The following ADAMTS14 variants were observed in gnomAD, a reference collection of about 807,000 sequenced individuals.
ADAMTS14 encodes ADAM metallopeptidase with thrombospondin type 1 motif 14, also known as A disintegrin and metalloproteinase with thrombospondin motifs 14.
ADAMTS14 carries 100 observed loss-of-function variants against 128.6 expected under a neutral mutation model. The ratio of observed to expected loss-of-function variants is 0.78; its 90% CI spans 0.66 to 0.92. The LOEUF (loss-of-function observed/expected upper bound fraction) is 0.92, where lower values mean the gene tolerates loss of function less well. Ranked by LOEUF, ADAMTS14 falls within the 40% of genes least tolerant of loss-of-function variation. The pLI, the probability that ADAMTS14 is intolerant of heterozygous loss-of-function variation, is 0.00. For missense variants in ADAMTS14, 1,562 were observed against 1,658.6 expected, an observed-to-expected ratio of 0.94 and a Z score of 1.01; for synonymous variants, 665 against 653.8, an observed-to-expected ratio of 1.02 and a Z score of -0.26.
intron 2 of ADAMTS14, among the ~76,000 whole-genome samples, chr10:70,689,195 C>G (rs1304205336): frequency 6.9e-6 from 1 of 144,258 alleles, no homozygotes; most frequent in African/African-American, 2.4e-5. Flanking sequence ...GTCCCCTAAT[C>G]CACGGCCACA....
chr10:70,717,957 T>A (rs78274851), intron 4 of ADAMTS14, among the ~76,000 whole-genome samples: 7 of 152,166 alleles, frequency 4.6e-5, no homozygotes, highest in African/African-American at 1.7e-4. Flanking sequence ...TTTCTGAGCC[T>A]GGGGCCTGCT....
chr10:70,739,133 CTTG>C (rs990335782), intron 11 of ADAMTS14, 143 bp downstream of exon 11: 5 of 1,063,514 alleles, frequency 4.7e-6, no homozygotes, highest in Non-Finnish European at 6.6e-6. Context: ...AGGACACAAA[CTTG>C]TTGGTGGAGG....
intron 4 of ADAMTS14, among the ~76,000 whole-genome samples, chr10:70,716,273 C>A (rs1173265134): frequency 1.3e-5 from 2 of 152,178 alleles, no homozygotes; most frequent in African/African-American, 4.8e-5. Context: ...AATGTGGGAA[C>A]AGAAAGGGCC....
At chr10:70,759,814 G>C (rs1368953885) in intron 21 of ADAMTS14, among the ~76,000 whole-genome samples, 2 of 152,186 alleles carry the variant, frequency 1.3e-5, no homozygotes, top group Admixed American at 1.3e-4. Context: ...ATTGGGAGGG[G>C]CTAGGGTTCC....
chr10:70,700,969 G>A (rs993430654), intron 2 of ADAMTS14, among the ~76,000 whole-genome samples: 2 of 152,176 alleles, frequency 1.3e-5, no homozygotes, highest in African/African-American at 2.4e-5. Context: ...ATGGTGACAG[G>A]GAAGCCTCAA....
Position 70,760,702 on chromosome 10 carries a change from G to A in ADAMTS14, c.3521G>A (p.Gly1174Glu), listed in dbSNP as rs1247530620. 1 of 1,614,090 alleles carries A rather than the reference G, an allele frequency of 6.2e-7. No homozygotes were observed. Among genetic ancestry groups the A allele is most frequent in the Non-Finnish European group, 8.5e-7 (1 of 1,180,008 alleles). Reference sequence around the variant, plus strand: ...TTTGCCCCTGAGACACCAATCCCTGGAGCATCCTGGAGCATCTCCCCTACC... The same window carrying A: ...TTTGCCCCTGAGACACCAATCCCTGAAGCATCCTGGAGCATCTCCCCTACC... ...HPFAPETPIP[G>E]ASWSISPTTP... The change falls in exon 22 of 22, where the codon GGA (glycine) becomes GAA (glutamate). Residue 1174 changes from glycine (G) to glutamate (E), a missense_variant. Gly to Glu is a moderately conservative substitution (Grantham distance 98, BLOSUM62 -2). Transcript: ENST00000373207.
At chr10:70,721,019 C>CTTT (rs56656736) in intron 4 of ADAMTS14, among the ~76,000 whole-genome samples, 53 of 84,324 alleles carry the variant, frequency 6.3e-4, no homozygotes, top group African/African-American at 8.8e-4. Flanking sequence ...TCTCTTTTTT[C>CTTT]TTTTTTTTTT....
At chr10:70,712,451 A>G (rs1564533056) in intron 4 of ADAMTS14, among the ~76,000 whole-genome samples, 1 of 152,260 alleles carries the variant, frequency 6.6e-6, no homozygotes, top group Non-Finnish European at 1.5e-5. Flanking sequence ...AAAAATGAAC[A>G]TATGTTAAAG....
intron 4 of ADAMTS14, among the ~76,000 whole-genome samples, chr10:70,720,941 A>T (rs1841237304): frequency 1.3e-5 from 2 of 152,064 alleles, no homozygotes. Flanking sequence ...AGAACGAAAA[A>T]GTGTTACCAA....
intron 21 of ADAMTS14, 29 bp downstream of exon 21, chr10:70,758,314 C>T: frequency 1.3e-6 from 2 of 1,585,252 alleles, no homozygotes; most frequent in Non-Finnish European, 1.7e-6. Context: ...CCCTACCCTG[C>T]TCCCCAGACC....
chr10:70,753,130 A>T (rs562145370), intron 18 of ADAMTS14, among the ~76,000 whole-genome samples: 2 of 152,328 alleles, frequency 1.3e-5, no homozygotes, highest in East Asian at 3.9e-4. Flanking sequence ...CCTGGAAGTG[A>T]CTAAAAGATG....
In ADAMTS14 at chr10:70,732,248, C is replaced by T. The variant is rs370227496; in HGVS notation, c.1103-6C>T. ...GCTCTCCACCTTTTCTTTCTCTCTT[C>T]GGCAGGGTATGCACCCGTCACTGGC... On this transcript the variant is annotated splice_polypyrimidine_tract_variant and splice_region_variant and intron_variant, in intron 6 of 21. Transcript: ENST00000373207. 21 of 1,613,264 alleles carry T rather than the reference C, an allele frequency of 1.3e-5. No homozygotes were observed. The highest frequency in any genetic ancestry group is 9.9e-5 in the South Asian group (9 of 91,066).
At chr10:70,719,540 T>A (rs1477333967) in intron 4 of ADAMTS14, among the ~76,000 whole-genome samples, 1 of 152,084 alleles carries the variant, frequency 6.6e-6, no homozygotes, top group Non-Finnish European at 1.5e-5. Flanking sequence ...TAGCTGGGAC[T>A]ATAGGCATGG....
At chr10:70,687,380 A>G (rs1271627041) in intron 2 of ADAMTS14, among the ~76,000 whole-genome samples, 2 of 44,528 alleles carry the variant, frequency 4.5e-5, no homozygotes, top group African/African-American at 7.3e-5. Flanking sequence ...GGCCGGGCAG[A>G]GGGGCTCCTC....
intron 2 of ADAMTS14, among the ~76,000 whole-genome samples, chr10:70,700,223 T>G (rs1217533782): frequency 6.6e-6 from 1 of 151,890 alleles, no homozygotes; most frequent in Non-Finnish European, 1.5e-5. Context: ...TTTGTCCAGG[T>G]TTGGGCTCAA....
At chr10:70,709,505 T>TG (rs1232376018) in intron 4 of ADAMTS14, among the ~76,000 whole-genome samples, 4 of 139,144 alleles carry the variant, frequency 2.9e-5, no homozygotes, top group Admixed American at 7.1e-5. Flanking sequence ...GTTTTTTTTT[T>TG]TTTTTTTTTT....
intron 3 of ADAMTS14, among the ~76,000 whole-genome samples, chr10:70,704,581 C>A (rs543038497): frequency 6.6e-6 from 1 of 151,104 alleles, no homozygotes; most frequent in East Asian, 1.9e-4. Flanking sequence ...CACACTGATG[C>A]AAACACACGC....
In ADAMTS14 at chr10:70,745,203, T is replaced by C. The variant is rs376597403; in HGVS notation, c.2183-23T>C. On this transcript the variant is annotated intron_variant, in intron 14 of 21. Coordinates refer to ENST00000373207, the MANE Select transcript of ADAMTS14 (RefSeq NM_080722.4). ...ACCACCAGCTTAGGATGCTCACGAC[T>C]TCTGGATCCCTGTGTGTGGCAGGAG... 16 of 1,606,766 alleles carry C rather than the reference T, an allele frequency of 1.0e-5. No individual in the cohort carries two copies. In the African/African-American group the frequency reaches 1.7e-4, roughly 17 times the overall value.
At chr10:70,685,928 A>C (rs1041882065) in intron 2 of ADAMTS14, among the ~76,000 whole-genome samples, 5 of 152,116 alleles carry the variant, frequency 3.3e-5, no homozygotes, top group African/African-American at 1.2e-4. Flanking sequence ...TGAAACTGGG[A>C]GGCCAACTAA....
Sources: allele counts gnomAD v4.1 joint callset (sites outside exome capture counted in the v4.1 genomes callset), GRCh38; gene constraint gnomAD v4.1.1; transcripts MANE v1.5; gene names NCBI Gene and HGNC (gene_info 2026-07-23, HGNC 2026-07-21).